SLC1A2: variants seen among roughly 807,000 people sequenced by gnomAD.
SLC1A2 encodes the protein solute carrier family 1 member 2, also known as excitatory amino acid transporter 2.
SLC1A2 carries 15 observed loss-of-function variants against 48.8 expected under a neutral mutation model. The ratio of observed to expected loss-of-function variants is 0.31; its 90% CI spans 0.21 to 0.47. SLC1A2 has a LOEUF of 0.47. Ranked by LOEUF, SLC1A2 falls within the 20% of genes least tolerant of loss-of-function variation. The probability of loss-of-function intolerance (pLI) is 0.99; values close to 1 mark genes in which losing one functional copy is unlikely to be tolerated. For missense variants in SLC1A2, 502 were observed against 730.5 expected, an observed-to-expected ratio of 0.69 and a Z score of 3.61; for synonymous variants, 279 against 272.6, an observed-to-expected ratio of 1.02 and a Z score of -0.23.
chr11:35,394,723 T>A (rs1295639068), intron 1 of SLC1A2, among the ~76,000 whole-genome samples: 2 of 152,112 alleles, frequency 1.3e-5, no homozygotes. Flanking sequence ...CAGTGCCAAA[T>A]GGCCTGGAGG....
chr11:35,406,340 T>A (rs1482284362), intron 1 of SLC1A2, among the ~76,000 whole-genome samples: 1 of 151,904 alleles, frequency 6.6e-6, no homozygotes. Context: ...AACAGACAGA[T>A]AAATAAAATA....
chr11:35,363,762 A>C (rs904421243), intron 1 of SLC1A2, among the ~76,000 whole-genome samples: 1 of 152,216 alleles, frequency 6.6e-6, no homozygotes, highest in African/African-American at 2.4e-5. Flanking sequence ...TGAGCCAAAG[A>C]AAGAAGGAAG....
At chr11:35,348,892 C>CAA (rs397752034) in intron 1 of SLC1A2, among the ~76,000 whole-genome samples, 1,253 of 78,112 alleles carry the variant, frequency 0.016, 46 homozygotes, top group African/African-American at 0.047. Context: ...GACCTGGTCT[C>CAA]AAAAAAAAAA....
At chr11:35,282,484 G>T (rs1042889896) in intron 8 of SLC1A2, among the ~76,000 whole-genome samples, 1 of 152,144 alleles carries the variant, frequency 6.6e-6, no homozygotes, top group South Asian at 2.1e-4. Context: ...CTTACAAGAG[G>T]CTGGGCACAT....
At chr11:35,352,628 C>T (rs1052070951) in intron 1 of SLC1A2, among the ~76,000 whole-genome samples, 3 of 152,310 alleles carry the variant, frequency 2.0e-5, no homozygotes, top group African/African-American at 7.2e-5. Flanking sequence ...ATTTCTCCTC[C>T]TGATATTCTC....
rs377756413 is a variant in SLC1A2, at chr11:35,304,812, C to CT, written c.730+1261dup. Among the ~76,000 whole-genome samples, 129 of 151,410 alleles carry CT rather than the reference C, an allele frequency of 8.5e-4. 3 individuals carry two copies. In the South Asian group the frequency reaches 0.021, roughly 25 times the overall value. On this transcript the variant is annotated intron_variant, in intron 5 of 10. Transcript: ENST00000278379. Reference sequence around the variant, plus strand: ...TTGAATTTCAGGTAAAAAATGAATACTTTTTTTTTAGTATTATTATGTCCC... The same window carrying CT: ...TTGAATTTCAGGTAAAAAATGAATACTTTTTTTTTTAGTATTATTATGTCCC...
chr11:35,364,381 T>C (rs1316743246), intron 1 of SLC1A2, among the ~76,000 whole-genome samples: 1 of 152,260 alleles, frequency 6.6e-6, no homozygotes, highest in Non-Finnish European at 1.5e-5. Flanking sequence ...TCTTCTCACC[T>C]ACTTTCTTAT....
chr11:35,392,185 T>C (rs1281855157), intron 1 of SLC1A2: 1 of 152,242 alleles, frequency 6.6e-6, no homozygotes, highest in Non-Finnish European at 1.5e-5. Flanking sequence ...CACATACTTT[T>C]AAGTGTTTGT....
intron 1 of SLC1A2, among the ~76,000 whole-genome samples, chr11:35,340,734 G>A (rs1852807958): frequency 6.6e-6 from 1 of 152,184 alleles, no homozygotes; most frequent in South Asian, 2.1e-4. Flanking sequence ...TAAAGGGAAT[G>A]CTTTTTTAAA....
rs1383491630 is a variant in SLC1A2 at position 35,252,365 on chromosome 11, C to T, written c.*8529G>A. 1.3e-5 allele frequency: 2 copies of T among 152,064 alleles called. No individual in the cohort carries two copies. Among genetic ancestry groups the T allele is most frequent in the Non-Finnish European group, 2.9e-5 (2 of 67,988 alleles). The allele number at this position is 152,064 out of a possible 1,614,324, so 9.4% of individuals were successfully genotyped here. A position where few individuals can be genotyped will look rare whatever the true frequency, so the allele number is the denominator to read the frequency against. Reference sequence around the variant, plus strand: ...CACAGAGTCAGACTAACTTTTTGTTCCTCTGAGCCCAATCCACCAAGCAAA... The same window carrying T: ...CACAGAGTCAGACTAACTTTTTGTTTCTCTGAGCCCAATCCACCAAGCAAA... On this transcript the variant is annotated 3_prime_UTR_variant, in exon 11 of 11. Transcript: ENST00000278379.
At chr11:35,295,673 C>T (rs1851148022) in intron 6 of SLC1A2, among the ~76,000 whole-genome samples, 1 of 152,228 alleles carries the variant, frequency 6.6e-6, no homozygotes, top group Non-Finnish European at 1.5e-5. Context: ...TGTTCTTAGG[C>T]TGTTCCTGTT....
intron 1 of SLC1A2, among the ~76,000 whole-genome samples, chr11:35,398,929 G>T (rs1174128428): frequency 6.6e-6 from 1 of 152,200 alleles, no homozygotes; most frequent in Admixed American, 6.5e-5. Flanking sequence ...CTGGTGCTGT[G>T]AAATACATGA....
At chr11:35,291,825 C>A in intron 7 of SLC1A2, 1 of 162,526 alleles carries the variant, frequency 6.2e-6, no homozygotes. Context: ...AAAGTCTCAC[C>A]TAACATACCA....
intron 10 of SLC1A2, among the ~76,000 whole-genome samples, chr11:35,263,345 G>A (rs1227940648): frequency 6.6e-6 from 1 of 152,140 alleles, no homozygotes; most frequent in Admixed American, 6.5e-5. Context: ...GCACATGACT[G>A]TAATCCCAGC....
chr11:35,281,007 A>C lies in SLC1A2; in HGVS notation c.1287-6T>G. On this transcript the variant is annotated splice_region_variant and splice_polypyrimidine_tract_variant and intron_variant, in intron 8 of 10. Coordinates refer to ENST00000278379, the MANE Select transcript of SLC1A2 (RefSeq NM_004171.4). ...TTGCCAGGGTGGCTGTGAGGCTATG[A>C]GAACAGAGAAGTTCAGGTCATGGAA... The C allele has an allele frequency of 6.3e-7, 1 of 1,595,762 alleles. No homozygotes were observed. Among genetic ancestry groups the C allele is most frequent in the Non-Finnish European group, 8.5e-7 (1 of 1,171,580 alleles).
chr11:35,335,064 C>G (rs982064171), intron 1 of SLC1A2, among the ~76,000 whole-genome samples: 1 of 152,106 alleles, frequency 6.6e-6, no homozygotes. Context: ...CTGAAAGAAC[C>G]TGATACTTTA....
intron 1 of SLC1A2, among the ~76,000 whole-genome samples, chr11:35,379,193 C>T (rs1434483673): frequency 1.3e-5 from 2 of 152,084 alleles, no homozygotes; most frequent in African/African-American, 4.8e-5. Flanking sequence ...CATGCCATTG[C>T]ACTCTAGCCT....
At chr11:35,393,459 C>T (rs771341381) in intron 1 of SLC1A2, among the ~76,000 whole-genome samples, 4 of 152,152 alleles carry the variant, frequency 2.6e-5, no homozygotes, top group Admixed American at 6.5e-5. Flanking sequence ...AGGCTCTTCC[C>T]CGGTCATTTT....
rs1855591477 is a variant in SLC1A2 at position 35,415,966 on chromosome 11, GGGACCTAAA to G, written c.17+2975_17+2983del. Among the ~76,000 whole-genome samples, 5 of 152,284 alleles carry G rather than the reference GGGACCTAAA, an allele frequency of 3.3e-5. No homozygotes were observed. The South Asian group carries it at 1.0e-3, about 32-fold the overall frequency. ...TATAATCTCTTTCCAATTTGGGTCA[GGGACCTAAA>G]AGCCATCTCCGTAATTCTAGCCATG... is the stretch of plus-strand genomic sequence containing the variant. On this transcript the variant is annotated intron_variant, in intron 1 of 10. Transcript: ENST00000278379.
Sources: gnomAD v4.1 joint callset for allele counts (sites outside exome capture counted in the v4.1 genomes callset) on GRCh38, gnomAD v4.1.1 for gene constraint, MANE v1.5 for transcripts, NCBI Gene and HGNC (gene_info 2026-07-23, HGNC 2026-07-21) for gene names.